Variants in ATP23 observed in about 807,000 individuals in gnomAD.
ATP23 encodes the protein mitochondrial inner membrane protease ATP23 homolog.
A neutral mutation model predicts 28.5 loss-of-function variants in ATP23; 24 were observed. The ratio of observed to expected loss-of-function variants is 0.84; its 90% CI spans 0.61 to 1.18. The LOEUF (loss-of-function observed/expected upper bound fraction) is 1.18. Among genes scored for constraint, ATP23 ranks in the 50% most tolerant of loss-of-function variants. The pLI is 0.00. For missense variants in ATP23, 274 were observed against 306.4 expected (o/e 0.89, Z 0.79); for synonymous variants, 99 against 108.6 (o/e 0.91, Z 0.55).
At chr12:57,954,028 A>G (rs1956841701) in intron 5 of ATP23, among the ~76,000 whole-genome samples, 1 of 151,918 alleles carries the variant, frequency 6.6e-6, no homozygotes, top group African/African-American at 2.4e-5. Context: ...CCCCGTGTCT[A>G]CTAAAAATAC....
In ATP23 at chr12:57,945,662, ACACT is replaced by A. The variant is rs761138128; in HGVS notation, c.225_228del (p.His75GlnfsTer31). 1.2e-6 allele frequency: 2 copies of A among 1,613,636 alleles called. No homozygotes were observed. Among genetic ancestry groups the A allele is most frequent in the African/African-American group, 2.7e-5 (2 of 74,830 alleles). ...TCAAACTTCTGCTTGATGCTATGAA[ACACT>A]CAGGTTGGTAAGTAACTCTTTTTGA... is the stretch of plus-strand genomic sequence containing the variant. On this transcript the variant is annotated frameshift_variant, in exon 2 of 6. Transcript: ENST00000300145. LOFTEE classifies it high-confidence loss of function.
chr12:57,958,872 T>C lies in ATP23; in HGVS notation c.*1982T>C, dbSNP rs1258625782. On this transcript the variant is annotated 3_prime_UTR_variant, in exon 6 of 6. Coordinates refer to ENST00000300145, the MANE Select transcript of ATP23 (RefSeq NM_033276.4). ...ATCACACTAGTTCACCAGCAATGGA[T>C]TCAAACCAAGAAGAAATCCCTGATT... is the stretch of plus-strand genomic sequence containing the variant. Among the ~76,000 whole-genome samples, 1 of 152,156 alleles carries C rather than the reference T, an allele frequency of 6.6e-6. No homozygotes were observed. Among genetic ancestry groups the C allele is most frequent in the Non-Finnish European group, 1.5e-5 (1 of 68,032 alleles).
intron 3 of ATP23, among the ~76,000 whole-genome samples, chr12:57,949,267 T>C (rs1301104119): frequency 5.9e-5 from 9 of 152,194 alleles, no homozygotes; most frequent in African/African-American, 2.2e-4. Flanking sequence ...TACAGCACTC[T>C]TCTGGTTGCT....
At chr12:57,945,710 G>C in intron 2 of ATP23, 37 bp downstream of exon 2, 2 of 1,604,970 alleles carry the variant, frequency 1.2e-6, no homozygotes, top group South Asian at 2.2e-5. Context: ...TCTGAGGTCT[G>C]GCTGCTGAAA....
At chr12:57,951,736 C>T in intron 3 of ATP23, 22 bp from the exon 4 acceptor site, 2 of 1,609,058 alleles carry the variant, frequency 1.2e-6, no homozygotes, top group Non-Finnish European at 1.7e-6. Context: ...CACTGAACTT[C>T]TTTTATTTTG....
In ATP23 at chr12:57,957,657, C is replaced by T. The variant is rs894686633; in HGVS notation, c.*767C>T. ...AAGGTCTGTTTGTGGGAGAAGTTTC[C>T]GACCTTACCTGGAGCTGAGTTAATT... On this transcript the variant is annotated 3_prime_UTR_variant, in exon 6 of 6. Coordinates refer to ENST00000300145, the MANE Select transcript of ATP23 (RefSeq NM_033276.4). 5.3e-5 allele frequency among the ~76,000 whole-genome samples: 8 copies of T among 152,076 alleles called. No homozygotes were observed. Among genetic ancestry groups the T allele is most frequent in the African/African-American group, 9.7e-5 (4 of 41,410 alleles).
rs899593437 is a variant in ATP23 at position 57,956,966 on chromosome 12, A to T, written c.*76A>T. The T allele has an allele frequency of 2.5e-6, 3 of 1,222,820 alleles. No individual in the cohort carries two copies. Among genetic ancestry groups the T allele is most frequent in the Non-Finnish European group, 2.2e-6 (2 of 889,228 alleles). The allele number at this position is 1,222,820 out of a possible 1,614,324, so 75.7% of individuals were successfully genotyped here. A position where few individuals can be genotyped will look rare whatever the true frequency, so the allele number is the denominator to read the frequency against. ...AAATTTGGTTCTCAAGTGAACAAAC[A>T]TATAAAATGTAAACAATCCCTACAA... On this transcript the variant is annotated 3_prime_UTR_variant, in exon 6 of 6. Transcript: ENST00000300145.
Position 57,943,154 on chromosome 12 carries a change from A to G in ATP23, c.187+1266A>G, listed in dbSNP as rs560630403. Among the ~76,000 whole-genome samples, 36 of 152,272 alleles carry G rather than the reference A, an allele frequency of 2.4e-4. No individual in the cohort carries two copies. In the East Asian group the frequency reaches 5.6e-3, roughly 24 times the overall value. On this transcript the variant is annotated intron_variant, in intron 1 of 5. Transcript: ENST00000300145. ...GTATTTACTGTACAAATATGTATTG[A>G]GTGCCTCCCAGGTTCTGGTGGGGGA...
rs1231165822 is a variant in ATP23 at position 57,953,174 on chromosome 12, T to G, written c.454-432T>G. ...TCTCAGATATTAATGCATTCAGTTT[T>G]AAGGTCACATTGAAACTCAGTTTAT... On this transcript the variant is annotated intron_variant, in intron 4 of 5. Coordinates refer to ENST00000300145, the MANE Select transcript of ATP23 (RefSeq NM_033276.4). Among the ~76,000 whole-genome samples the G allele has an allele frequency of 2.0e-5, 3 of 152,226 alleles. No homozygotes were observed. In the East Asian group the frequency reaches 5.8e-4, roughly 29 times the overall value.
At chr12:57,953,324 A>C (rs543830643) in intron 4 of ATP23, among the ~76,000 whole-genome samples, 1 of 152,204 alleles carries the variant, frequency 6.6e-6, no homozygotes, top group African/African-American at 2.4e-5. Flanking sequence ...TAGTTCTGTC[A>C]GTAAAGCTAC....
At chr12:57,954,351 A>G (rs1210821885) in intron 5 of ATP23, among the ~76,000 whole-genome samples, 5 of 152,200 alleles carry the variant, frequency 3.3e-5, no homozygotes, top group Admixed American at 2.0e-4. Flanking sequence ...TCTGGAGACA[A>G]AAGATGTAAT....
In ATP23 at chr12:57,956,933, A is replaced by G; in HGVS notation, c.*43A>G. On this transcript the variant is annotated 3_prime_UTR_variant, in exon 6 of 6. Transcript: ENST00000300145. Reference sequence around the variant, plus strand: ...TATTACAGAGCTTCCATCATCATGAAGAAAAAAAAATTTGGTTCTCAAGTG... The same window carrying G: ...TATTACAGAGCTTCCATCATCATGAGGAAAAAAAAATTTGGTTCTCAAGTG... The G allele has an allele frequency of 6.5e-7, 1 of 1,528,420 alleles. No individual in the cohort carries two copies. Among genetic ancestry groups the G allele is most frequent in the Admixed American group, 2.3e-5 (1 of 43,266 alleles). The allele number at this position is 1,528,420 out of a possible 1,614,324, so 94.7% of individuals were successfully genotyped here.
chr12:57,952,037 C>T (rs1394204064), intron 4 of ATP23, 142 bp downstream of exon 4: 1 of 1,007,028 alleles, frequency 9.9e-7, no homozygotes, highest in Admixed American at 2.5e-5. Context: ...CATTGAATAC[C>T]ATTTTTGATA....
At chr12:57,942,320 A>G (rs7133275) in intron 1 of ATP23, among the ~76,000 whole-genome samples, 17,564 of 152,110 alleles carry the variant, frequency 0.12, 1,759 homozygotes, top group African/African-American at 0.27. Flanking sequence ...TTGCAAACCT[A>G]CCGTTCCTTG....
chr12:57,945,583 G>C (rs746041193), intron 1 of ATP23, 45 bp from the exon 2 acceptor site: 1 of 1,525,394 alleles, frequency 6.6e-7, no homozygotes, highest in Non-Finnish European at 9.1e-7. Flanking sequence ...TAGTTTAATT[G>C]GTGCTACTTT....
chr12:57,947,072 C>T lies in ATP23; in HGVS notation c.311C>T (p.Ser104Phe), dbSNP rs201702418. 7.9e-5 allele frequency: 127 copies of T among 1,613,758 alleles called. 1 individual carries two copies. Among genetic ancestry groups the T allele is most frequent in the African/African-American group, 1.1e-4 (8 of 74,902 alleles). ...AGTGGAGGTTTTGATGCTTCAACAT[C>T]TCAGGTAGGCATTATTGCCAAATTG... ...NVSGGFDAST[S>F]QIVLCQNNIH... is the part of the protein sequence containing the mutation. Residue 104 changes from serine to phenylalanine, a missense_variant, in exon 3 of 6, where the codon TCT becomes TTT. Coordinates refer to ENST00000300145, the MANE Select transcript of ATP23 (RefSeq NM_033276.4).
At chr12:57,953,299 G>C (rs894022389) in intron 4 of ATP23, among the ~76,000 whole-genome samples, 8 of 152,090 alleles carry the variant, frequency 5.3e-5, no homozygotes, top group Admixed American at 5.2e-4. Flanking sequence ...TCTGACTTTT[G>C]GTTCCAAAAG....
In ATP23 at chr12:57,945,356, C is replaced by G. The variant is rs148704903; in HGVS notation, c.188-272C>G. Among the ~76,000 whole-genome samples the G allele has an allele frequency of 2.6e-5, 4 of 152,248 alleles. No individual in the cohort carries two copies. In the East Asian group the frequency reaches 7.7e-4, roughly 29 times the overall value. On this transcript the variant is annotated intron_variant, in intron 1 of 5. Transcript: ENST00000300145. ...CAAGTGATTCTCATGCCTCAGCTTC[C>G]CAAGTAGCTGGGACTACAGGCGTGT... is the stretch of plus-strand genomic sequence containing the variant.
intron 3 of ATP23, among the ~76,000 whole-genome samples, chr12:57,947,917 C>G (rs1424693751): frequency 6.6e-6 from 1 of 152,150 alleles, no homozygotes; most frequent in Admixed American, 6.5e-5. Flanking sequence ...CTACACTTAA[C>G]TGTTTCCTGC....
Sources: gnomAD v4.1 joint callset for allele counts (sites outside exome capture counted in the v4.1 genomes callset) on GRCh38, gnomAD v4.1.1 for gene constraint, MANE v1.5 for transcripts, NCBI Gene and HGNC (gene_info 2026-07-23, HGNC 2026-07-21) for gene names.